Variants in FLT3 observed in about 807,000 individuals in gnomAD.
FLT3 encodes the protein receptor-type tyrosine-protein kinase FLT3.
FLT3 carries 46 observed loss-of-function variants against 126.6 expected under a neutral mutation model. The observed-to-expected ratio is 0.36, with a 90% CI of 0.29 to 0.46. FLT3 has a LOEUF of 0.46. Among genes scored for constraint, FLT3 ranks in the 20% least tolerant of loss-of-function variants. The probability of loss-of-function intolerance (pLI) is 1.00; values close to 1 mark genes in which losing one functional copy is unlikely to be tolerated. For missense variants in FLT3, 1,069 were observed against 1,190.3 expected, an observed-to-expected ratio of 0.90 and a Z score of 1.50; for synonymous variants, 404 against 434.4, an observed-to-expected ratio of 0.93 and a Z score of 0.87.
At chr13:28,086,444 C>T (rs73156257) in intron 1 of FLT3, among the ~76,000 whole-genome samples, 25,555 of 152,034 alleles carry the variant, frequency 0.17, 2,366 homozygotes, top group Middle Eastern at 0.27. Context: ...CTATAAACCC[C>T]ACAAGACATT....
At chr13:28,086,649 T>TGC (rs1566106057) in intron 1 of FLT3, among the ~76,000 whole-genome samples, 1 of 151,526 alleles carries the variant, frequency 6.6e-6, no homozygotes, top group Non-Finnish European at 1.5e-5. Context: ...TGTGTGTGTG[T>TGC]GTGTGTGTGT....
At chr13:28,063,260 C>T (rs1268214931) in intron 2 of FLT3, among the ~76,000 whole-genome samples, 5 of 152,146 alleles carry the variant, frequency 3.3e-5, no homozygotes, top group African/African-American at 1.2e-4. Flanking sequence ...GGGCAGATCA[C>T]TTGAGGTCAG....
chr13:28,057,353 T>C lies in FLT3; in HGVS notation c.478A>G (p.Ile160Val), dbSNP rs1593270596. 2.3e-6 allele frequency: 3 copies of C among 1,307,804 alleles called. No homozygotes were observed. Among genetic ancestry groups the C allele is most frequent in the East Asian group, 2.3e-5 (1 of 43,528 alleles). 81.0% of individuals were successfully genotyped at this position (1,307,804 alleles called of 1,614,324 possible). The stretch of plus-strand genomic sequence containing the variant: ...AGTAGCAGGCTGGACTTACTTCTTA[T>C]ACTCACTGTAAACAATATTGTGTAA... The part of the protein sequence containing the change: ...TNYTILFTVS[I>V]RNTLLYTLRR... The change falls in exon 4 of 24, where the codon ATA becomes GTA. Residue 160 changes from isoleucine (I) to valine (V), a missense_variant. Ile to Val is a conservative substitution (Grantham distance 29). Coordinates refer to ENST00000241453, the MANE Select transcript of FLT3 (RefSeq NM_004119.3).
chr13:28,008,162 T>C (rs1871072980), intron 23 of FLT3, among the ~76,000 whole-genome samples: 1 of 147,940 alleles, frequency 6.8e-6, no homozygotes, highest in African/African-American at 2.5e-5. Flanking sequence ...CTGCACAACA[T>C]AGCAAGATCC....
At position 28,035,350 on chromosome 13, in the gene FLT3, G is replaced by A. The variant is rs1873735865; in HGVS notation, c.1597+145C>T. The A allele has an allele frequency of 9.8e-5, 69 of 705,566 alleles. 3 individuals are homozygous for A. The South Asian group carries it at 1.4e-3, about 14-fold the overall frequency. The allele number at this position is 705,566 out of a possible 1,614,324, so 43.7% of individuals were successfully genotyped here. On this transcript the variant is annotated intron_variant, in intron 12 of 23. Transcript: ENST00000241453. The stretch of plus-strand genomic sequence containing the variant: ...CCAACCTGTGAAACAGTCTCTCTGG[G>A]GATTCTTGCCTGACTCAAGAAACCT...
At chr13:28,020,693 A>G (rs1182170612) in intron 19 of FLT3, among the ~76,000 whole-genome samples, 2 of 151,866 alleles carry the variant, frequency 1.3e-5, no homozygotes, top group African/African-American at 2.4e-5. Flanking sequence ...TGTCTCCCCT[A>G]TCATTCATAA....
At chr13:28,081,844 CTTTTTTTTTTTTT>C (rs35243277) in intron 1 of FLT3, among the ~76,000 whole-genome samples, 21 of 64,986 alleles carry the variant, frequency 3.2e-4, no homozygotes, top group South Asian at 2.2e-3. Context: ...TACTTTGATT[CTTTTTTTTTTTTT>C]TTTTTTTTTT....
chr13:28,093,542 C>T (rs867031394), intron 1 of FLT3, among the ~76,000 whole-genome samples: 79 of 152,220 alleles, frequency 5.2e-4, no homozygotes, highest in African/African-American at 1.9e-3. Flanking sequence ...CTAATCCTGG[C>T]GACCTTATAC....
At chr13:28,068,516 AT>A (rs1257184509) in intron 2 of FLT3, among the ~76,000 whole-genome samples, 1 of 151,422 alleles carries the variant, frequency 6.6e-6, no homozygotes, top group Admixed American at 6.6e-5. Flanking sequence ...CAAAAAAAAA[AT>A]CTATGATATA....
At chr13:28,072,936 C>G (rs1028085039) in intron 1 of FLT3, among the ~76,000 whole-genome samples, 1 of 151,656 alleles carries the variant, frequency 6.6e-6, no homozygotes, top group Non-Finnish European at 1.5e-5. Context: ...ACCCGGGAGG[C>G]GGAGCTTGCA....
In FLT3 at chr13:28,027,240, T is replaced by C; in HGVS notation, c.2055A>G (p.Gly685=). 1 of 1,608,716 alleles carries C rather than the reference T, an allele frequency of 6.2e-7. No individual in the cohort carries two copies. Among genetic ancestry groups the C allele is most frequent in the Non-Finnish European group, 8.5e-7 (1 of 1,177,042 alleles). Residue 685 remains glycine (G), a splice_region_variant and synonymous_variant, in exon 17 of 24, where the codon GGA becomes GGG. Transcript: ENST00000241453. ...VNLLGACTLS[G]PIYLIFEYCC... ...AGTATTCAAAAATCAAGTAAATTGG[T>C]CCTGAAATAGTTACAGTTTCAATTA...
In FLT3 at chr13:28,037,205, AT is replaced by A; in HGVS notation, c.1288del (p.Met430CysfsTer4). 6.3e-7 allele frequency: 1 copy of A among 1,596,942 alleles called. No homozygotes were observed. Among genetic ancestry groups the A allele is most frequent in the Non-Finnish European group, 8.6e-7 (1 of 1,164,514 alleles). ...CTTACTTCTTATATTCAGCGTGAAC[AT>A]TTTGGTAAATTGGGCATCATCATTT... Reference protein sequence around the residue: ...AENDDAQFTKMFTLNIRRKPQ... With the variant: ...AENDDAQFTKXFTLNIRRKPQ... On this transcript the variant is annotated frameshift_variant, in exon 10 of 24. Coordinates refer to ENST00000241453, the MANE Select transcript of FLT3 (RefSeq NM_004119.3). LOFTEE classifies it high-confidence loss of function.
At chr13:28,052,506 G>A (rs754861142) in intron 5 of FLT3, 39 bp downstream of exon 5, 1 of 1,565,432 alleles carries the variant, frequency 6.4e-7, no homozygotes, top group East Asian at 2.3e-5. Flanking sequence ...AGGCCAAAAG[G>A]AAATTATGAG....
chr13:28,017,852 G>T (rs369571804), intron 20 of FLT3, among the ~76,000 whole-genome samples: 1 of 151,916 alleles, frequency 6.6e-6, no homozygotes, highest in African/African-American at 2.4e-5. Flanking sequence ...TTTCAGTAGA[G>T]ACAGAGTTTC....
At chr13:28,090,056 T>G (rs1423028206) in intron 1 of FLT3, among the ~76,000 whole-genome samples, 2 of 151,498 alleles carry the variant, frequency 1.3e-5, no homozygotes, top group African/African-American at 4.9e-5. Context: ...GGAACTTTTT[T>G]TTTAGATGGA....
intron 1 of FLT3, among the ~76,000 whole-genome samples, chr13:28,073,573 C>T (rs9581972): frequency 0.18 from 26,649 of 151,856 alleles, 2,406 homozygotes; most frequent in Middle Eastern, 0.26. Flanking sequence ...TATAATAAAT[C>T]GTGCACATTA....
chr13:28,098,699 T>A (rs996285079), intron 1 of FLT3, among the ~76,000 whole-genome samples: 2 of 152,076 alleles, frequency 1.3e-5, no homozygotes, highest in African/African-American at 4.8e-5. Context: ...TACACAAAAT[T>A]GGAACAACTT....
At chr13:28,068,676 C>T (rs1030620788) in intron 2 of FLT3, among the ~76,000 whole-genome samples, 5 of 152,154 alleles carry the variant, frequency 3.3e-5, no homozygotes, top group East Asian at 1.9e-4. Context: ...GATGATCCTC[C>T]GGCCTCAGCC....
At chr13:28,087,146 T>A (rs948651500) in intron 1 of FLT3, among the ~76,000 whole-genome samples, 1 of 152,332 alleles carries the variant, frequency 6.6e-6, no homozygotes, top group Non-Finnish European at 1.5e-5. Context: ...CATAGCTCAC[T>A]ACAGCCTTGA....
Sources: gnomAD v4.1 joint callset for allele counts (sites outside exome capture counted in the v4.1 genomes callset) on GRCh38, gnomAD v4.1.1 for gene constraint, MANE v1.5 for transcripts, NCBI Gene and HGNC (gene_info 2026-07-23, HGNC 2026-07-21) for gene names.